NCK2: variants seen among roughly 807,000 people sequenced by gnomAD.
NCK2 encodes cytoplasmic protein NCK2.
NCK2 carries 16 observed loss-of-function variants against 33.9 expected under a neutral mutation model. That is an observed-to-expected ratio of 0.47 (90% confidence interval 0.32 to 0.72). NCK2 has a LOEUF of 0.72. Ranked by LOEUF, NCK2 falls within the 30% of genes least tolerant of loss-of-function variation. The pLI is 0.03. For missense variants in NCK2, 418 were observed against 537.3 expected, an observed-to-expected ratio of 0.78 and a Z score of 2.19; for synonymous variants, 273 against 239.9, an observed-to-expected ratio of 1.14 and a Z score of -1.27.
At chr2:105,794,253 T>C (rs1222927124) in intron 1 of NCK2, among the ~76,000 whole-genome samples, 2 of 152,004 alleles carry the variant, frequency 1.3e-5, no homozygotes, top group Admixed American at 6.5e-5. Context: ...AATTTCACCA[T>C]GTTGGCCAGA....
At chr2:105,772,026 T>C (rs1397259625) in intron 1 of NCK2, among the ~76,000 whole-genome samples, 3 of 152,180 alleles carry the variant, frequency 2.0e-5, no homozygotes, top group Non-Finnish European at 4.4e-5. Flanking sequence ...CTCTGAGTCT[T>C]TGAGAACTCA....
In NCK2 at chr2:105,842,110, G is replaced by A. The variant is rs568264905; in HGVS notation, c.-16-12938G>A. On this transcript the variant is annotated intron_variant, in intron 2 of 4. Transcript: ENST00000233154. ...GTTTTTTTCTTTTTTTTTTTGAGCC[G>A]GAGTTTCTCTCGTTTCCCAGGCTGG... Among the ~76,000 whole-genome samples, 5 of 151,198 alleles carry A rather than the reference G, an allele frequency of 3.3e-5. No homozygotes were observed. The South Asian group carries it at 6.3e-4, about 19-fold the overall frequency.
intron 2 of NCK2, among the ~76,000 whole-genome samples, chr2:105,852,387 C>T (rs1476977481): frequency 6.6e-6 from 1 of 152,070 alleles, no homozygotes; most frequent in Admixed American, 6.5e-5. Flanking sequence ...ATCTAAGGCT[C>T]GGAAGAATTA....
At chr2:105,754,437 A>T (rs562179975) in intron 1 of NCK2, among the ~76,000 whole-genome samples, 71 of 152,320 alleles carry the variant, frequency 4.7e-4, no homozygotes, top group Non-Finnish European at 8.5e-4. Flanking sequence ...CCCATTTAAT[A>T]TCTTAAGAAT....
At chr2:105,788,615 A>G (rs534122412) in intron 1 of NCK2, among the ~76,000 whole-genome samples, 94 of 152,182 alleles carry the variant, frequency 6.2e-4, no homozygotes, top group Non-Finnish European at 1.2e-3. Flanking sequence ...ATGTAGGTTA[A>G]ATAAGACACT....
intron 2 of NCK2, among the ~76,000 whole-genome samples, chr2:105,842,086 T>G (rs76278833): frequency 6.6e-6 from 1 of 151,536 alleles, no homozygotes; most frequent in South Asian, 2.1e-4. Flanking sequence ...TTTGTGGGGG[T>G]TTTTTTCTTT....
chr2:105,824,031 G>A (rs954751665), intron 2 of NCK2, among the ~76,000 whole-genome samples: 1 of 152,130 alleles, frequency 6.6e-6, no homozygotes, highest in African/African-American at 2.4e-5. Context: ...AGTGTCCTCA[G>A]GTAGGCTCTC....
chr2:105,776,630 T>C (rs1185886391), intron 1 of NCK2, among the ~76,000 whole-genome samples: 1 of 152,156 alleles, frequency 6.6e-6, no homozygotes, highest in Non-Finnish European at 1.5e-5. Flanking sequence ...TAGGGTTAGC[T>C]GGTGAGCAGA....
intron 1 of NCK2, among the ~76,000 whole-genome samples, chr2:105,812,853 G>A (rs192669791): frequency 1.3e-5 from 2 of 148,434 alleles, no homozygotes; most frequent in Admixed American, 1.3e-4. Flanking sequence ...ACATCTAAGA[G>A]AAGCAGTAAC....
intron 1 of NCK2, among the ~76,000 whole-genome samples, chr2:105,764,440 C>G (rs773060471): frequency 6.6e-6 from 1 of 152,254 alleles, no homozygotes; most frequent in Non-Finnish European, 1.5e-5. Flanking sequence ...GCAGCCTGCT[C>G]TGCTTCGAGG....
intron 1 of NCK2, among the ~76,000 whole-genome samples, chr2:105,793,457 G>A (rs1034476006): frequency 6.6e-6 from 1 of 152,188 alleles, no homozygotes; most frequent in Non-Finnish European, 1.5e-5. Flanking sequence ...CTGACCTCGG[G>A]CATCCTGTTT....
At chr2:105,749,805 C>T (rs1168446341) in intron 1 of NCK2, among the ~76,000 whole-genome samples, 1 of 152,092 alleles carries the variant, frequency 6.6e-6, no homozygotes, top group Non-Finnish European at 1.5e-5. Context: ...TGGAAAGCCT[C>T]CTCAAGTTCA....
At chr2:105,836,230 A>T (rs1343987667) in intron 2 of NCK2, among the ~76,000 whole-genome samples, 6 of 151,698 alleles carry the variant, frequency 4.0e-5, no homozygotes, top group African/African-American at 1.5e-4. Context: ...TGTTAGCGAA[A>T]TAGTTTCTTT....
At chr2:105,793,119 A>G (rs937766419) in intron 1 of NCK2, among the ~76,000 whole-genome samples, 3 of 152,166 alleles carry the variant, frequency 2.0e-5, no homozygotes, top group African/African-American at 4.8e-5. Flanking sequence ...GTGGCTCGCA[A>G]ATTGGCTTCT....
At chr2:105,865,329 G>C (rs780497600) in intron 3 of NCK2, among the ~76,000 whole-genome samples, 9 of 152,198 alleles carry the variant, frequency 5.9e-5, no homozygotes, top group Non-Finnish European at 1.3e-4. Flanking sequence ...TGAGAAAACT[G>C]ATACTCAGAA....
chr2:105,765,310 A>T (rs1046257244), intron 1 of NCK2, among the ~76,000 whole-genome samples: 1 of 152,256 alleles, frequency 6.6e-6, no homozygotes, highest in South Asian at 2.1e-4. Flanking sequence ...GAGAATTTGT[A>T]CATACTGTGA....
intron 1 of NCK2, among the ~76,000 whole-genome samples, chr2:105,750,069 A>ACACACACACACAC (rs1558820044): frequency 3.5e-4 from 20 of 56,688 alleles, no homozygotes; most frequent in African/African-American, 9.0e-4. Flanking sequence ...CACACACACA[A>ACACACACACACAC]AACAACAACA....
chr2:105,754,380 A>G lies in NCK2; in HGVS notation c.-201+9242A>G, dbSNP rs186320950. Among the ~76,000 whole-genome samples the G allele has an allele frequency of 3.4e-3, 524 of 152,352 alleles. 5 individuals carry two copies. Among genetic ancestry groups the G allele is most frequent in the African/African-American group, 0.012 (488 of 41,580 alleles). On this transcript the variant is annotated intron_variant, in intron 1 of 4. Transcript: ENST00000233154. Reference sequence around the variant, plus strand: ...AAGACGCCCATGCCCATCTTAGAGGACAAAGTCCATCAATGTCTCCTTCGA... The same window carrying G: ...AAGACGCCCATGCCCATCTTAGAGGGCAAAGTCCATCAATGTCTCCTTCGA...
chr2:105,797,289 C>G (rs1434373808), intron 1 of NCK2, among the ~76,000 whole-genome samples: 1 of 152,028 alleles, frequency 6.6e-6, no homozygotes, highest in Non-Finnish European at 1.5e-5. Context: ...GAAGCCTTGG[C>G]TGATTTTTCT....
Sources: allele counts gnomAD v4.1 joint callset (sites outside exome capture counted in the v4.1 genomes callset), GRCh38; gene constraint gnomAD v4.1.1; transcripts MANE v1.5; gene names NCBI Gene and HGNC (gene_info 2026-07-23, HGNC 2026-07-21).